Variants in VPS41 observed in about 807,000 individuals in gnomAD.
VPS41 encodes vacuolar protein sorting-associated protein 41 homolog.
Under a neutral mutation model 130.9 loss-of-function variants are expected in VPS41, and 85 were observed. The ratio of observed to expected loss-of-function variants is 0.65; its 90% CI spans 0.55 to 0.78. The LOEUF is 0.78. Ranked by LOEUF, VPS41 falls within the 30% of genes least tolerant of loss-of-function variation. The pLI is 0.00. For missense variants in VPS41, 874 were observed against 1,018.7 expected (o/e 0.86, Z 1.93); for synonymous variants, 335 against 332.9 (o/e 1.01, Z -0.07).
chr7:38,882,600 T>C (rs1041014631), intron 2 of VPS41, among the ~76,000 whole-genome samples: 2 of 152,086 alleles, frequency 1.3e-5, no homozygotes, highest in South Asian at 2.1e-4. Context: ...ATATGCAAAG[T>C]AGAACTTCCA....
intron 2 of VPS41, among the ~76,000 whole-genome samples, chr7:38,881,490 A>G (rs1019181694): frequency 2.0e-5 from 3 of 152,194 alleles, no homozygotes; most frequent in Non-Finnish European, 4.4e-5. Context: ...GGATGTAGAC[A>G]TCTTTGGGGA....
intron 4 of VPS41, among the ~76,000 whole-genome samples, chr7:38,832,227 G>A (rs1785399944): frequency 6.7e-6 from 1 of 149,374 alleles, no homozygotes; most frequent in Non-Finnish European, 1.5e-5. Flanking sequence ...TCCAGATATT[G>A]TATATACAGT....
intron 3 of VPS41, among the ~76,000 whole-genome samples, chr7:38,865,133 A>G (rs1786200940): frequency 1.3e-5 from 2 of 152,328 alleles, no homozygotes; most frequent in Admixed American, 6.5e-5. Context: ...AGTGCCTTCA[A>G]TTACACATGA....
chr7:38,903,919 C>T (rs1260506902), intron 1 of VPS41, among the ~76,000 whole-genome samples: 1 of 152,074 alleles, frequency 6.6e-6, no homozygotes. Flanking sequence ...ACGTGTGCCC[C>T]AGCGTGGAAA....
rs200450657 is a variant in VPS41 at position 38,872,935 on chromosome 7, G to GC, written c.61-3683dup. On this transcript the variant is annotated intron_variant, in intron 2 of 28. Transcript: ENST00000310301. ...TGAGTGTTAGTCTTTATAATAAGAT[G>GC]CCACATGTTGCTCAAGTCTGGACAT... is the stretch of plus-strand genomic sequence containing the variant. Among the ~76,000 whole-genome samples, 779 of 152,272 alleles carry GC rather than the reference G, an allele frequency of 5.1e-3. 7 individuals are homozygous for GC. The highest frequency in any genetic ancestry group is 0.017 in the African/African-American group (702 of 41,564).
chr7:38,771,069 G>A (rs1030779068), intron 14 of VPS41, 129 bp downstream of exon 14: 1 of 709,570 alleles, frequency 1.4e-6, no homozygotes, highest in Non-Finnish European at 2.4e-6. Flanking sequence ...TGATCTCATA[G>A]GTTAGGGAAT....
At chr7:38,908,695 C>T (rs538570356) in intron 1 of VPS41, among the ~76,000 whole-genome samples, 4 of 152,312 alleles carry the variant, frequency 2.6e-5, no homozygotes, top group Non-Finnish European at 4.4e-5. Context: ...CCTGCTGCAC[C>T]GCAACAGTGC....
chr7:38,803,610 G>A (rs183775203), intron 7 of VPS41, among the ~76,000 whole-genome samples: 1 of 152,190 alleles, frequency 6.6e-6, no homozygotes, highest in African/African-American at 2.4e-5. Context: ...TAAACAAAGG[G>A]GATAACAATG....
intron 2 of VPS41, 82 bp downstream of exon 2, chr7:38,898,009 T>C: frequency 7.7e-7 from 1 of 1,301,042 alleles, no homozygotes; most frequent in Non-Finnish European, 1.1e-6. Flanking sequence ...CCCCTGGGAA[T>C]GTTGCATTTA....
At chr7:38,817,243 G>T (rs1407089542) in intron 7 of VPS41, among the ~76,000 whole-genome samples, 3 of 151,750 alleles carry the variant, frequency 2.0e-5, no homozygotes, top group Non-Finnish European at 4.4e-5. Context: ...TTTGTGGGAG[G>T]GGCAATGTTT....
chr7:38,770,046 G>T (rs1025047942), intron 14 of VPS41, among the ~76,000 whole-genome samples: 9 of 152,118 alleles, frequency 5.9e-5, no homozygotes, highest in Non-Finnish European at 1.0e-4. Flanking sequence ...GAGGCAAGCC[G>T]ATCACCTGAG....
At chr7:38,790,301 T>TTAA (rs1020179661) in intron 9 of VPS41, among the ~76,000 whole-genome samples, 3 of 2,780 alleles carry the variant, frequency 1.1e-3, no homozygotes, top group African/African-American at 8.1e-3. Context: ...GAGAACACCA[T>TTAA]TAATAATCTT....
At chr7:38,765,301 CAA>C (rs1228675107) in intron 16 of VPS41, among the ~76,000 whole-genome samples, 5 of 151,890 alleles carry the variant, frequency 3.3e-5, no homozygotes, top group Non-Finnish European at 1.5e-5. Flanking sequence ...CACCTATTTT[CAA>C]AAGTCATTAA....
intron 4 of VPS41, among the ~76,000 whole-genome samples, chr7:38,851,205 C>G (rs1014214396): frequency 2.6e-5 from 4 of 152,216 alleles, no homozygotes; most frequent in African/African-American, 9.6e-5. Flanking sequence ...GGGTAGAACT[C>G]ACACACATGT....
Position 38,725,653 on chromosome 7 carries a change from A to C in VPS41, c.*593T>G, listed in dbSNP as rs1795522840. Reference sequence around the variant, plus strand: ...GTCACAGCACACAGAACATGTGATTAGTAAACATAATGGTGCAGGACATCA... The same window carrying C: ...GTCACAGCACACAGAACATGTGATTCGTAAACATAATGGTGCAGGACATCA... On this transcript the variant is annotated 3_prime_UTR_variant, in exon 29 of 29. Transcript: ENST00000310301. 1 of 152,526 alleles carries C rather than the reference A, an allele frequency of 6.6e-6. No homozygotes were observed. The highest frequency in any genetic ancestry group is 1.5e-5 in the Non-Finnish European group (1 of 68,252). 9.4% of individuals were successfully genotyped at this position (152,526 alleles called of 1,614,324 possible). A position where few individuals can be genotyped will look rare whatever the true frequency, so the allele number is the denominator to read the frequency against.
intron 21 of VPS41, among the ~76,000 whole-genome samples, chr7:38,754,432 T>C (rs1783747701): frequency 1.3e-5 from 2 of 152,184 alleles, no homozygotes; most frequent in African/African-American, 4.8e-5. Flanking sequence ...TATATTATAG[T>C]AATATAATAG....
chr7:38,776,754 G>A lies in VPS41; in HGVS notation c.807C>T (p.Phe269=), dbSNP rs1784267913. 1 of 1,610,466 alleles carries A rather than the reference G, an allele frequency of 6.2e-7. No homozygotes were observed. The highest frequency in any genetic ancestry group is 8.5e-7 in the Non-Finnish European group (1 of 1,177,002). Residue 269 remains phenylalanine, a synonymous_variant, in exon 11 of 29, where the codon TTC becomes TTT. Coordinates refer to ENST00000310301, the MANE Select transcript of VPS41 (RefSeq NM_014396.4). ...AGAGAGGTGCAAGTCCACTGATGTA[G>A]AATTCAGTTTCAAACTGAGACACTG... is the stretch of plus-strand genomic sequence containing the variant. The part of the protein sequence containing the change: ...VEIVSQFETE[F]YISGLAPLCD...
At chr7:38,849,982 A>G (rs538284901) in intron 4 of VPS41, among the ~76,000 whole-genome samples, 1 of 152,304 alleles carries the variant, frequency 6.6e-6, no homozygotes, top group Admixed American at 6.5e-5. Context: ...CACAAAACAC[A>G]CAAACTGTAA....
chr7:38,832,580 T>C (rs1785412701), intron 4 of VPS41, among the ~76,000 whole-genome samples: 1 of 152,178 alleles, frequency 6.6e-6, no homozygotes, highest in Non-Finnish European at 1.5e-5. Context: ...GTACATAGTA[T>C]GTTCTGATAT....
Sources: gnomAD v4.1 joint callset for allele counts (sites outside exome capture counted in the v4.1 genomes callset) on GRCh38, gnomAD v4.1.1 for gene constraint, MANE v1.5 for transcripts, NCBI Gene and HGNC (gene_info 2026-07-23, HGNC 2026-07-21) for gene names.